The following PRKCA variants were observed in gnomAD, a reference collection of about 807,000 sequenced individuals.
PRKCA encodes the protein protein kinase C alpha type.
In PRKCA, 27 loss-of-function variants were observed where a neutral mutation model predicts 87.0. The ratio of observed to expected loss-of-function variants is 0.31; its 90% CI spans 0.23 to 0.43. PRKCA has a LOEUF of 0.43. PRKCA is among the 20% of genes least tolerant of loss of function. The probability of loss-of-function intolerance (pLI) is 1.00; values close to 1 mark genes in which losing one functional copy is unlikely to be tolerated. For synonymous variants in PRKCA, 329 were observed against 311.1 expected (o/e 1.06, Z -0.61); for missense variants, 518 against 852.3 (o/e 0.61, Z 4.88).
intron 2 of PRKCA, among the ~76,000 whole-genome samples, chr17:66,342,701 G>C (rs911257359): frequency 6.6e-6 from 1 of 152,050 alleles, no homozygotes; most frequent in Non-Finnish European, 1.5e-5. Flanking sequence ...CCACATCTTT[G>C]ATAGTAGATT....
chr17:66,355,018 C>T (rs981298510), intron 2 of PRKCA, among the ~76,000 whole-genome samples: 11 of 152,058 alleles, frequency 7.2e-5, no homozygotes, highest in East Asian at 1.9e-4. Flanking sequence ...TCTCGTTGCT[C>T]GAGGGGGCGA....
intron 2 of PRKCA, among the ~76,000 whole-genome samples, chr17:66,431,668 C>A (rs1346911214): frequency 1.3e-5 from 2 of 152,158 alleles, no homozygotes; most frequent in Non-Finnish European, 2.9e-5. Context: ...GACACACATG[C>A]CCTTCCCCTC....
intron 2 of PRKCA, among the ~76,000 whole-genome samples, chr17:66,440,561 A>G (rs1459515848): frequency 6.6e-6 from 1 of 152,162 alleles, no homozygotes; most frequent in Non-Finnish European, 1.5e-5. Flanking sequence ...ACAGAGCCAC[A>G]GCGGCAGTGA....
intron 2 of PRKCA, among the ~76,000 whole-genome samples, chr17:66,473,325 G>T (rs1279302586): frequency 6.6e-6 from 1 of 152,090 alleles, no homozygotes; most frequent in Non-Finnish European, 1.5e-5. Context: ...CATGCATGTG[G>T]ATTGCACGGA....
At chr17:66,779,554 C>T (rs1428634955) in intron 14 of PRKCA, among the ~76,000 whole-genome samples, 1 of 152,104 alleles carries the variant, frequency 6.6e-6, no homozygotes, top group African/African-American at 2.4e-5. Flanking sequence ...GGGGAGCATG[C>T]CTAGCCCCCA....
intron 13 of PRKCA, among the ~76,000 whole-genome samples, chr17:66,751,402 T>C (rs1235872900): frequency 4.6e-5 from 7 of 152,316 alleles, no homozygotes; most frequent in Admixed American, 4.6e-4. Context: ...GCTGGCGCCC[T>C]GATGCCATCC....
intron 2 of PRKCA, among the ~76,000 whole-genome samples, chr17:66,442,500 A>G (rs1341524843): frequency 6.6e-6 from 1 of 151,954 alleles, no homozygotes; most frequent in African/African-American, 2.4e-5. Context: ...TCTGCCTGTA[A>G]TCATTTAAAG....
chr17:66,310,614 C>A (rs1009232786), intron 2 of PRKCA, among the ~76,000 whole-genome samples: 5 of 152,126 alleles, frequency 3.3e-5, no homozygotes, highest in African/African-American at 7.2e-5. Flanking sequence ...ATTGGCTCAT[C>A]TGAGCAGGGT....
At chr17:66,496,428 A>C (rs1258823285) in intron 3 of PRKCA, 145 bp downstream of exon 3, 1 of 667,612 alleles carries the variant, frequency 1.5e-6, no homozygotes, top group Non-Finnish European at 2.6e-6. Context: ...AGTAATGAGC[A>C]GATTTATAGC....
chr17:66,499,137 A>G (rs1223249892), intron 3 of PRKCA, among the ~76,000 whole-genome samples: 1 of 142,110 alleles, frequency 7.0e-6, no homozygotes, highest in African/African-American at 2.5e-5. Context: ...CTAAAGATAA[A>G]GATTCCTATG....
chr17:66,476,314 G>T (rs9907160), intron 2 of PRKCA, among the ~76,000 whole-genome samples: 6,044 of 152,254 alleles, frequency 0.04, 357 homozygotes, highest in African/African-American at 0.13. Context: ...AGGAGATGGC[G>T]GGCCCAAGCT....
At chr17:66,774,698 T>C in intron 14 of PRKCA, 1 of 986,186 alleles carries the variant, frequency 1.0e-6, no homozygotes, top group Non-Finnish European at 1.2e-6. Flanking sequence ...TTGGGTTATA[T>C]GGTTCCCTGC....
At chr17:66,324,307 A>G (rs1427227540) in intron 2 of PRKCA, among the ~76,000 whole-genome samples, 1 of 152,152 alleles carries the variant, frequency 6.6e-6, no homozygotes, top group Non-Finnish European at 1.5e-5. Flanking sequence ...GGGTGCTTTT[A>G]TGAAGAAATA....
chr17:66,694,460 G>GACA (rs1972866216), intron 8 of PRKCA, among the ~76,000 whole-genome samples: 1 of 117,862 alleles, frequency 8.5e-6, no homozygotes, highest in South Asian at 2.8e-4. Context: ...CAGCTTGGGC[G>GACA]ACAGAGCGAG....
At chr17:66,554,461 A>T (rs1410315751) in intron 3 of PRKCA, 1 of 809,586 alleles carries the variant, frequency 1.2e-6, no homozygotes, top group Non-Finnish European at 1.5e-6. Flanking sequence ...TGTGTTTCAA[A>T]CTTTGGGCTG....
At chr17:66,637,016 T>TG (rs201155118) in intron 3 of PRKCA, among the ~76,000 whole-genome samples, 1 of 152,190 alleles carries the variant, frequency 6.6e-6, no homozygotes, top group African/African-American at 2.4e-5. Context: ...CATGTAATTT[T>TG]GGGGTGTGAC....
In PRKCA at chr17:66,506,639, G is replaced by T. The variant is rs1232531562; in HGVS notation, c.288+10356G>T. 2.6e-5 allele frequency among the ~76,000 whole-genome samples: 4 copies of T among 152,152 alleles called. No homozygotes were observed. The South Asian group carries it at 6.2e-4, about 24-fold the overall frequency. On this transcript the variant is annotated intron_variant, in intron 3 of 16. Transcript: ENST00000413366. ...ACTCCCTTAATACCCAAGAGTAGCC[G>T]TCTCATCAGCATCATTATTACGGCT... is the stretch of plus-strand genomic sequence containing the variant.
intron 2 of PRKCA, among the ~76,000 whole-genome samples, chr17:66,341,175 C>T (rs1907021835): frequency 6.6e-6 from 1 of 152,132 alleles, no homozygotes; most frequent in South Asian, 2.1e-4. Flanking sequence ...GTCTAGAAAG[C>T]TGCTAGCTTT....
intron 13 of PRKCA, 110 bp downstream of exon 13, chr17:66,742,870 G>A (rs9894851): frequency 0.9 from 1,110,874 of 1,231,396 alleles, 501,372 homozygotes; most frequent in Admixed American, 0.93. Context: ...CATGGTCACA[G>A]CCACTAAATG....
Sources: allele counts gnomAD v4.1 joint callset (sites outside exome capture counted in the v4.1 genomes callset), GRCh38; gene constraint gnomAD v4.1.1; transcripts MANE v1.5; gene names NCBI Gene and HGNC (gene_info 2026-07-23, HGNC 2026-07-21).